Variants in MYO5B observed in about 807,000 individuals in gnomAD.
MYO5B encodes the protein unconventional myosin-Vb.
A neutral mutation model predicts 229.3 loss-of-function variants in MYO5B; 143 were observed. That is an observed-to-expected ratio of 0.62 (90% CI 0.54 to 0.72). The LOEUF (loss-of-function observed/expected upper bound fraction) is 0.72, where lower values mean the gene tolerates loss of function less well. Among genes scored for constraint, MYO5B ranks in the 30% least tolerant of loss-of-function variants. The probability of loss-of-function intolerance (pLI) is 0.00; values close to 1 mark genes in which losing one functional copy is unlikely to be tolerated. For missense variants in MYO5B, 2,321 were observed against 2,331.0 expected (o/e 1.00, Z 0.09); for synonymous variants, 918 against 885.2 (o/e 1.04, Z -0.66).
intron 27 of MYO5B, among the ~76,000 whole-genome samples, chr18:49,870,939 T>C (rs1201284983): frequency 2.6e-5 from 4 of 152,176 alleles, no homozygotes. Context: ...AACTCCACTT[T>C]GGGGTATATA....
chr18:49,886,144 T>TTTGCCAA (rs1192516630), intron 22 of MYO5B, among the ~76,000 whole-genome samples: 1 of 152,210 alleles, frequency 6.6e-6, no homozygotes, highest in Non-Finnish European at 1.5e-5. Flanking sequence ...TTTGCCATGT[T>TTTGCCAA]GGCCAGGTTG....
chr18:50,005,547 A>G (rs1366921250), intron 4 of MYO5B, among the ~76,000 whole-genome samples: 1 of 152,202 alleles, frequency 6.6e-6, no homozygotes, highest in East Asian at 1.9e-4. Context: ...AGTAGCTAGT[A>G]TTATAGGCAT....
intron 22 of MYO5B, among the ~76,000 whole-genome samples, chr18:49,888,249 A>G (rs2024668012): frequency 6.6e-6 from 1 of 152,152 alleles, no homozygotes; most frequent in Non-Finnish European, 1.5e-5. Flanking sequence ...ACTAGATGCT[A>G]ATACAACACA....
intron 2 of MYO5B, among the ~76,000 whole-genome samples, chr18:50,044,619 G>C (rs939373461): frequency 1.3e-5 from 2 of 152,072 alleles, no homozygotes; most frequent in Non-Finnish European, 2.9e-5. Context: ...GTAGGAACTG[G>C]TCTATACCTG....
intron 22 of MYO5B, among the ~76,000 whole-genome samples, chr18:49,884,466 C>G (rs1233260329): frequency 6.6e-6 from 1 of 151,810 alleles, no homozygotes; most frequent in African/African-American, 2.4e-5. Flanking sequence ...CTAGATGGTC[C>G]TATCTGGGGG....
chr18:49,956,743 C>T (rs920912019), intron 12 of MYO5B, among the ~76,000 whole-genome samples: 2 of 152,164 alleles, frequency 1.3e-5, no homozygotes, highest in Non-Finnish European at 2.9e-5. Context: ...GGAGCCGGGA[C>T]CATAGCTCAG....
chr18:50,139,284 A>G (rs571811915), intron 1 of MYO5B, among the ~76,000 whole-genome samples: 3 of 152,360 alleles, frequency 2.0e-5, no homozygotes, highest in South Asian at 4.1e-4. Flanking sequence ...AAGGTGACTC[A>G]GTCATGCTAC....
intron 9 of MYO5B, among the ~76,000 whole-genome samples, 193 bp from the exon 10 acceptor site, chr18:49,974,808 C>CACACACACACACACACAA (rs2025732107): frequency 6.7e-6 from 1 of 149,776 alleles, no homozygotes; most frequent in South Asian, 2.1e-4. Flanking sequence ...GACACACACA[C>CACACACACACACACACAA]ACACACACAC....
intron 1 of MYO5B, among the ~76,000 whole-genome samples, chr18:50,183,621 G>A (rs1314113049): frequency 6.6e-6 from 1 of 151,830 alleles, no homozygotes. Context: ...ATGAAAGGAT[G>A]GTTAGTTTTA....
At chr18:49,922,310 T>G (rs918290591) in intron 17 of MYO5B, among the ~76,000 whole-genome samples, 3 of 152,196 alleles carry the variant, frequency 2.0e-5, no homozygotes, top group Admixed American at 6.5e-5. Context: ...ATTATTTTAA[T>G]CAGTGACATC....
chr18:50,038,348 C>T (rs922746619), intron 3 of MYO5B, among the ~76,000 whole-genome samples: 2 of 151,968 alleles, frequency 1.3e-5, no homozygotes, highest in African/African-American at 2.4e-5. Flanking sequence ...ACTGGGAACG[C>T]GAAGTGTAAT....
At chr18:49,980,588 T>A (rs984226817) in intron 8 of MYO5B, 35 bp from the exon 9 acceptor site, 3 of 1,456,510 alleles carry the variant, frequency 2.1e-6, no homozygotes, top group South Asian at 2.3e-5. Flanking sequence ...ACACTCAGTA[T>A]CCATGGTCGG....
intron 27 of MYO5B, among the ~76,000 whole-genome samples, chr18:49,866,460 C>T (rs2024397943): frequency 6.6e-6 from 1 of 152,134 alleles, no homozygotes; most frequent in Non-Finnish European, 1.5e-5. Context: ...AGAACTTTTT[C>T]ACCTTTTCCA....
At chr18:49,920,755 C>T (rs4939917) in intron 17 of MYO5B, among the ~76,000 whole-genome samples, 8 of 152,106 alleles carry the variant, frequency 5.3e-5, no homozygotes, top group Admixed American at 5.2e-4. Context: ...TTTTAAATCA[C>T]CTGGGGAAAC....
chr18:50,081,351 C>T (rs866433112), intron 1 of MYO5B, among the ~76,000 whole-genome samples: 3 of 152,202 alleles, frequency 2.0e-5, no homozygotes, highest in Non-Finnish European at 4.4e-5. Flanking sequence ...AAAACAAAGA[C>T]CTACTATTTT....
chr18:50,142,845 C>A (rs887695260), intron 1 of MYO5B, among the ~76,000 whole-genome samples: 6 of 152,186 alleles, frequency 3.9e-5, no homozygotes, highest in African/African-American at 1.4e-4. Context: ...CCGAGGCATA[C>A]CATGTGAAAT....
At chr18:49,910,764 T>G (rs977578399) in intron 18 of MYO5B, among the ~76,000 whole-genome samples, 34 of 152,356 alleles carry the variant, frequency 2.2e-4, no homozygotes, top group African/African-American at 8.2e-4. Flanking sequence ...ATCCTGATCA[T>G]CTGGCAATGA....
chr18:49,869,198 A>C (rs2024430759), intron 27 of MYO5B, among the ~76,000 whole-genome samples: 1 of 152,170 alleles, frequency 6.6e-6, no homozygotes, highest in African/African-American at 2.4e-5. Context: ...AGCATTCAGG[A>C]GGGATGTGCA....
At chr18:50,036,620 T>C (rs1422000940) in intron 4 of MYO5B, among the ~76,000 whole-genome samples, 2 of 152,124 alleles carry the variant, frequency 1.3e-5, no homozygotes, top group African/African-American at 2.4e-5. Context: ...AAAAATGAAA[T>C]AAGTCTAAAG....
Sources: allele counts gnomAD v4.1 joint callset (sites outside exome capture counted in the v4.1 genomes callset), GRCh38; gene constraint gnomAD v4.1.1; transcripts MANE v1.5; gene names NCBI Gene and HGNC (gene_info 2026-07-23, HGNC 2026-07-21).